Variants in TMEM255B observed in about 807,000 individuals in gnomAD.
The protein encoded by TMEM255B is transmembrane protein 255B, also known as family with sequence similarity 70, member B.
Under a neutral mutation model 34.5 loss-of-function variants are expected in TMEM255B, and 35 were observed. The ratio of observed to expected loss-of-function variants is 1.01; its 90% CI spans 0.77 to 1.34. TMEM255B has a LOEUF of 1.34. Ranked by LOEUF, TMEM255B falls within the 40% of genes most tolerant of loss-of-function variation. TMEM255B has a pLI of 0.00. For synonymous variants in TMEM255B, 206 were observed against 201.2 expected, an observed-to-expected ratio of 1.02 and a Z score of -0.20; for missense variants, 432 against 433.2, an observed-to-expected ratio of 1.00 and a Z score of 0.02.
chr13:113,766,433 C>G (rs1449542550), intron 2 of TMEM255B, 176 bp downstream of exon 2: 5 of 928,586 alleles, frequency 5.4e-6, no homozygotes, highest in Non-Finnish European at 8.4e-6. Context: ...ATCCCCAGGA[C>G]CTGGGACAGT....
chr13:113,774,104 A>G (rs2050519763), intron 3 of TMEM255B, among the ~76,000 whole-genome samples: 1 of 145,908 alleles, frequency 6.9e-6, no homozygotes, highest in South Asian at 2.3e-4. Flanking sequence ...CAACTCCATC[A>G]CTTGTCCTGT....
intron 7 of TMEM255B, among the ~76,000 whole-genome samples, chr13:113,804,121 C>A (rs548769376): frequency 2.6e-5 from 4 of 152,320 alleles, no homozygotes; most frequent in African/African-American, 9.6e-5. Context: ...CCAGTCCCCG[C>A]GTTTCTGGCC....
At chr13:113,786,254 C>A (rs1378028455) in intron 3 of TMEM255B, among the ~76,000 whole-genome samples, 1 of 151,888 alleles carries the variant, frequency 6.6e-6, no homozygotes, top group Non-Finnish European at 1.5e-5. Flanking sequence ...TCATCACCAT[C>A]CTGTCATCAC....
chr13:113,800,438 C>T (rs1025229230), intron 5 of TMEM255B, among the ~76,000 whole-genome samples: 7 of 151,868 alleles, frequency 4.6e-5, no homozygotes, highest in Non-Finnish European at 7.4e-5. Flanking sequence ...GGGGGGAGAG[C>T]GCCCTGGGAC....
At chr13:113,783,997 G>A (rs1183695952) in intron 3 of TMEM255B, among the ~76,000 whole-genome samples, 1 of 152,132 alleles carries the variant, frequency 6.6e-6, no homozygotes, top group Non-Finnish European at 1.5e-5. Context: ...AAGTTGTCAA[G>A]GTCCCTGAGA....
chr13:113,763,141 G>A (rs2050334798), intron 1 of TMEM255B, among the ~76,000 whole-genome samples: 1 of 152,198 alleles, frequency 6.6e-6, no homozygotes, highest in South Asian at 2.1e-4. Context: ...GTGACCTGGA[G>A]CCTCTGGTCA....
At chr13:113,808,793 G>GGGGC (rs2051236679) in intron 8 of TMEM255B, among the ~76,000 whole-genome samples, 1 of 16,078 alleles carries the variant, frequency 6.2e-5, no homozygotes, top group Admixed American at 6.1e-4. Flanking sequence ...TGTGGTTCCT[G>GGGGC]GGGGGGGGGT....
At chr13:113,792,506 C>T (rs7491716) in intron 3 of TMEM255B, among the ~76,000 whole-genome samples, 17 of 152,180 alleles carry the variant, frequency 1.1e-4, no homozygotes, top group African/African-American at 3.4e-4. Context: ...TTCCAGGACT[C>T]GTTCAGGCCT....
Position 113,770,485 on chromosome 13 carries a change from C to A in TMEM255B, c.252+1325C>A, listed in dbSNP as rs1197064461. On this transcript the variant is annotated intron_variant, in intron 3 of 8. Coordinates refer to ENST00000375353, the MANE Select transcript of TMEM255B (RefSeq NM_182614.4). The surrounding 1 kb of genome is among the most constrained non-coding windows in gnomAD (Gnocchi z 4.6). ...GACCCTTGGGCAGATGGAGCCTGAC[C>A]GTGTGAGGGTGGGAGGTCCCTGGAG... Among the ~76,000 whole-genome samples the A allele has an allele frequency of 6.6e-6, 1 of 152,150 alleles. No individual in the cohort carries two copies. The highest frequency in any genetic ancestry group is 2.4e-5 in the African/African-American group (1 of 41,452).
rs2051063563 is a variant in TMEM255B at position 113,801,642 on chromosome 13, T to G, written c.510-11T>G. 3 of 1,585,452 alleles carry G rather than the reference T, an allele frequency of 1.9e-6. No individual in the cohort carries two copies. Among genetic ancestry groups the G allele is most frequent in the African/African-American group, 2.7e-5 (2 of 74,178 alleles). ...CTCGTGCGGTGACGCCATGGTGCCC[T>G]CTCTGTGCAGCGCAGAGCCCTCGCC... On this transcript the variant is annotated splice_polypyrimidine_tract_variant and intron_variant, in intron 6 of 8. Transcript: ENST00000375353.
intron 3 of TMEM255B, among the ~76,000 whole-genome samples, chr13:113,794,782 C>T (rs1476708869): frequency 3.3e-5 from 5 of 152,224 alleles, no homozygotes; most frequent in African/African-American, 4.8e-5. Context: ...GAAGCTGATC[C>T]GATGACTGTA....
Position 113,790,357 on chromosome 13 carries a change from C to G in TMEM255B, c.253-4791C>G, listed in dbSNP as rs1359620796. 1.8e-5 allele frequency among the ~76,000 whole-genome samples: 2 copies of G among 108,352 alleles called. 1 individual carries two copies. Among genetic ancestry groups the G allele is most frequent in the African/African-American group, 5.9e-5 (2 of 33,898 alleles). 71.1% of individuals were successfully genotyped at this position (108,352 alleles called of 152,430 possible). A position where few individuals can be genotyped will look rare whatever the true frequency, so the allele number is the denominator to read the frequency against. On this transcript the variant is annotated intron_variant, in intron 3 of 8. Coordinates refer to ENST00000375353, the MANE Select transcript of TMEM255B (RefSeq NM_182614.4). ...GACCGGACACATAGACATCCTAGCA[C>G]TGAACTGACTGGACACATGGACATC... is the stretch of plus-strand genomic sequence containing the variant.
chr13:113,766,357 G>A (rs1486175046), intron 2 of TMEM255B, 100 bp downstream of exon 2: 1 of 1,553,178 alleles, frequency 6.4e-7, no homozygotes, highest in Non-Finnish European at 8.8e-7. Flanking sequence ...GGGGCTGAAG[G>A]TGGGGAGGCT....
intron 8 of TMEM255B, among the ~76,000 whole-genome samples, chr13:113,810,963 A>G (rs1242956800): frequency 6.6e-6 from 1 of 152,052 alleles, no homozygotes; most frequent in Non-Finnish European, 1.5e-5. Context: ...TTGGTTTTGG[A>G]GTCAGGTCAG....
chr13:113,786,838 C>T (rs899294602), intron 3 of TMEM255B, among the ~76,000 whole-genome samples: 1 of 152,204 alleles, frequency 6.6e-6, no homozygotes, highest in African/African-American at 2.4e-5. Context: ...ATTTCTCGGT[C>T]TGGGCTGGTG....
In TMEM255B at chr13:113,813,984, GGAGCGCCGGGAGATGCACTCAC is replaced by G; in HGVS notation, c.*2089_*2110del. The G allele has an allele frequency of 6.6e-6, 1 of 152,180 alleles. No homozygotes were observed. The highest frequency in any genetic ancestry group is 1.5e-5 in the Non-Finnish European group (1 of 68,032). The allele number at this position is 152,180 out of a possible 1,614,324, so 9.4% of individuals were successfully genotyped here. ...AAGCAGCAGAGACCAAGAGGTTTCT[GGAGCGCCGGGAGATGCACTCAC>G]GAGCGCCTGTGGGGGAAGAAAAGTG... On this transcript the variant is annotated 3_prime_UTR_variant, in exon 9 of 9. Coordinates refer to ENST00000375353, the MANE Select transcript of TMEM255B (RefSeq NM_182614.4).
rs2050465131 is a variant in TMEM255B, at chr13:113,770,750, T to C, written c.252+1590T>C. On this transcript the variant is annotated intron_variant, in intron 3 of 8. Transcript: ENST00000375353. The surrounding 1 kb of genome is among the most constrained non-coding windows in gnomAD (Gnocchi z 4.6). ...CACACACACCAGTCACAGAATGGTG[T>C]TGGAAACAGACGCCACCTTTGGGAG... 6.6e-6 allele frequency among the ~76,000 whole-genome samples: 1 copy of C among 151,994 alleles called. No individual in the cohort carries two copies.
At position 113,812,964 on chromosome 13, in the gene TMEM255B, C is replaced by CCCCAGGTGGGTCACAGGT. The variant is rs2051352570; in HGVS notation, c.*1064_*1065insAGGTGGGTCACAGGTCCC. The stretch of plus-strand genomic sequence containing the variant: ...TCACGGGTCCCGGGTGGGTCACGGG[C>CCCCAGGTGGGTCACAGGT]CCCGGGTGGGTCACGGGTCCCGGGT... On this transcript the variant is annotated 3_prime_UTR_variant, in exon 9 of 9. Coordinates refer to ENST00000375353, the MANE Select transcript of TMEM255B (RefSeq NM_182614.4). 17 of 106,072 alleles carry CCCCAGGTGGGTCACAGGT rather than the reference C, an allele frequency of 1.6e-4. No homozygotes were observed. The highest frequency in any genetic ancestry group is 2.8e-4 in the South Asian group (1 of 3,524). 6.6% of individuals were successfully genotyped at this position (106,072 alleles called of 1,614,324 possible). A position where few individuals can be genotyped will look rare whatever the true frequency, so the allele number is the denominator to read the frequency against.
chr13:113,782,611 C>T (rs1398292329), intron 3 of TMEM255B, among the ~76,000 whole-genome samples: 3 of 147,564 alleles, frequency 2.0e-5, no homozygotes, highest in African/African-American at 7.3e-5. Flanking sequence ...GCGCAGGATC[C>T]GGGCACCCTC....
Sources: allele counts gnomAD v4.1 joint callset (sites outside exome capture counted in the v4.1 genomes callset), GRCh38; gene constraint gnomAD v4.1.1; non-coding constraint Gnocchi (gnomAD v3.1); transcripts MANE v1.5; gene names NCBI Gene and HGNC (gene_info 2026-07-23, HGNC 2026-07-21).